The following MZB1 variants were observed in gnomAD, a reference collection of about 807,000 sequenced individuals.
MZB1 encodes marginal zone B and B1 cell specific protein, also known as marginal zone B- and B1-cell-specific protein.
MZB1 carries 10 observed loss-of-function variants against 17.2 expected under a neutral mutation model. The observed-to-expected ratio is 0.58, with a 90% confidence interval of 0.36 to 0.98. MZB1 has a LOEUF of 0.98. Among genes scored for constraint, MZB1 ranks in the 50% least tolerant of loss-of-function variants. MZB1 has a pLI of 0.01. For synonymous variants in MZB1, 99 were observed against 98.7 expected (o/e 1.00, Z -0.02); for missense variants, 246 against 237.5 (o/e 1.04, Z -0.23).
In MZB1 at chr5:139,388,468, A is replaced by C; in HGVS notation, c.295T>G (p.Trp99Gly). 6.2e-7 allele frequency: 1 copy of C among 1,604,074 alleles called. No homozygotes were observed. The highest frequency in any genetic ancestry group is 8.5e-7 in the Non-Finnish European group (1 of 1,175,608). ...DVLDRSCSRN[W>G]QDYGVREVDQ... ...GCAGGATTGGCAACTCACTCCTGCC[A>C]GTTCCGGGAGCAGCTCCGGTCCAGG... The change falls in exon 2 of 4, where the codon TGG becomes GGG. Residue 99 changes from tryptophan (W) to glycine (G), a missense_variant. Trp to Gly is a radical substitution (Grantham distance 184). Transcript: ENST00000302125.
At chr5:139,388,607 A>G (rs1758554152) in intron 1 of MZB1, 22 bp from the exon 2 acceptor site, 2 of 1,601,914 alleles carry the variant, frequency 1.2e-6, no homozygotes, top group Non-Finnish European at 8.5e-7. Context: ...AGGGACTGGG[A>G]GGCAGGGCCT....
rs761849771 is a variant in MZB1 at position 139,387,833 on chromosome 5, C to A, written c.502G>T (p.Ala168Ser). The A allele has an allele frequency of 1.2e-6, 2 of 1,600,970 alleles. No individual in the cohort carries two copies. The highest frequency in any genetic ancestry group is 1.8e-5 in the Admixed American group (1 of 56,220). The change falls in exon 4 of 4, where the codon GCA becomes TCA. Residue 168 changes from alanine (A) to serine (S), a missense_variant. By Grantham distance (99) the Ala-to-Ser change is moderately conservative. Transcript: ENST00000302125. ...AHQQGRGALE[A>S]LLCGGPQGAC... The stretch of plus-strand genomic sequence containing the variant: ...CCCTGGGGTCCCCCACATAGCAATG[C>A]CTCCAGAGCCCCTCGGCCTTGTTGG...
chr5:139,388,761 G>T, intron 1 of MZB1, 176 bp from the exon 2 acceptor site: 5 of 1,107,602 alleles, frequency 4.5e-6, no homozygotes, highest in Non-Finnish European at 6.2e-6. Context: ...AGCTCTCTGG[G>T]ATGGGGATGG....
intron 1 of MZB1, chr5:139,388,902 C>T (rs936321560): frequency 5.4e-5 from 12 of 220,330 alleles, no homozygotes; most frequent in Admixed American, 1.6e-4. Context: ...AGTCTCACGC[C>T]GTTCGTCGCC....
chr5:139,388,056 G>T lies in MZB1; in HGVS notation c.378C>A (p.Ile126=). ...AGGGGCCCCCTGTGACCATCACGCT[G>T]ATGCTTGGCTCTGGCCCCTCGCTAA... ...PGLSEGPEPS[I]SVMVTGGPWP... is the part of the protein sequence containing the mutation. The change falls in exon 3 of 4, where the codon ATC becomes ATA. Residue 126 remains isoleucine (I), a synonymous_variant. Transcript: ENST00000302125. The T allele has an allele frequency of 6.4e-7, 1 of 1,554,890 alleles. No individual in the cohort carries two copies. Among genetic ancestry groups the T allele is most frequent in the Non-Finnish European group, 8.7e-7 (1 of 1,148,864 alleles).
At chr5:139,388,343 C>T in intron 2 of MZB1, 118 bp downstream of exon 2, 2 of 1,244,780 alleles carry the variant, frequency 1.6e-6, no homozygotes, top group Admixed American at 2.4e-5. Flanking sequence ...CAGCCAGCCC[C>T]TCCCTTGGAC....
At chr5:139,388,784 A>G in intron 1 of MZB1, 199 bp from the exon 2 acceptor site, 1 of 857,840 alleles carries the variant, frequency 1.2e-6, no homozygotes, top group Non-Finnish European at 1.7e-6. Context: ...GATGGGAAAG[A>G]AATGCTGAAG....
chr5:139,388,386 G>T, intron 2 of MZB1, 75 bp downstream of exon 2: 1 of 1,450,062 alleles, frequency 6.9e-7, no homozygotes, highest in Non-Finnish European at 9.4e-7. Flanking sequence ...TGTTGTGTGA[G>T]CGGCTGAGTG....
chr5:139,387,807 C>T lies in MZB1; in HGVS notation c.528G>A (p.Gly176=). 1.3e-6 allele frequency: 2 copies of T among 1,578,084 alleles called. No individual in the cohort carries two copies. Among genetic ancestry groups the T allele is most frequent in the Non-Finnish European group, 1.7e-6 (2 of 1,166,588 alleles). ...LEALLCGGPQ[G]ACSEKVSATR... is the part of the protein sequence containing the mutation. ...TGGCTGACACCTTCTCTGAGCAGGCCCCCTGGGGTCCCCCACATAGCAATG... is the reference window on the plus strand; with the variant it reads ...TGGCTGACACCTTCTCTGAGCAGGCTCCCTGGGGTCCCCCACATAGCAATG... The change falls in exon 4 of 4, where the codon GGG becomes GGA. Residue 176 remains glycine (G), a synonymous_variant. Coordinates refer to ENST00000302125, the MANE Select transcript of MZB1 (RefSeq NM_016459.4).
In MZB1 at chr5:139,388,564, C is replaced by A. The variant is rs1460287868; in HGVS notation, c.199G>T (p.Ala67Ser). The stretch of plus-strand genomic sequence containing the variant: ...TTTGAGGTATGAAGTTTGGTCTCTG[C>A]CTTTGCCAGATTTTGCCACATCTGG... Reference protein sequence around the residue: ...AYQMWQNLAKAETKLHTSNSG... With the variant: ...AYQMWQNLAKSETKLHTSNSG... The change falls in exon 2 of 4, where the codon GCA becomes TCA. Residue 67 changes from alanine (A) to serine (S), a missense_variant. Physicochemically the swap from Ala to Ser is moderately conservative, Grantham distance 99. Coordinates refer to ENST00000302125, the MANE Select transcript of MZB1 (RefSeq NM_016459.4). The A allele has an allele frequency of 1.2e-6, 2 of 1,602,124 alleles. No individual in the cohort carries two copies. The highest frequency in any genetic ancestry group is 1.7e-6 in the Non-Finnish European group (2 of 1,174,300).
At chr5:139,388,189 A>G in intron 2 of MZB1, 58 bp from the exon 3 acceptor site, 1 of 1,437,174 alleles carries the variant, frequency 7.0e-7, no homozygotes, top group Non-Finnish European at 9.5e-7. Context: ...CCAGGGAGAG[A>G]CCCATCTCCA....
rs1222415371 is a variant in MZB1 at position 139,387,499 on chromosome 5, A to G, written c.*266T>C. 1 of 330,646 alleles carries G rather than the reference A, an allele frequency of 3.0e-6. No individual in the cohort carries two copies. Among genetic ancestry groups the G allele is most frequent in the East Asian group, 4.7e-5 (1 of 21,340 alleles). 20.5% of individuals were successfully genotyped at this position (330,646 alleles called of 1,614,324 possible). On this transcript the variant is annotated 3_prime_UTR_variant, in exon 4 of 4. Transcript: ENST00000302125. ...TGAGAGTTTTTTTTTTTTTTTCACA[A>G]GGGACATCAGCAGAAACACCAATGT...
chr5:139,388,155 A>G, intron 2 of MZB1, 24 bp from the exon 3 acceptor site: 4 of 1,545,548 alleles, frequency 2.6e-6, no homozygotes, highest in Non-Finnish European at 2.6e-6. Context: ...AGAGGAGAGG[A>G]GTACAGTTTT....
intron 1 of MZB1, chr5:139,389,275 C>G: frequency 5.3e-6 from 2 of 380,618 alleles, no homozygotes; most frequent in Non-Finnish European, 1.0e-5. Context: ...GACACTGGCA[C>G]GCAGGCATGC....
chr5:139,387,909 T>G lies in MZB1; in HGVS notation c.426A>C (p.Thr142=), dbSNP rs1314936311. ...GGPWPTRLSR[T]CLHYLGEFGE... Reference sequence around the variant, plus strand: ...CAAACTCCCCCAAGTAGTGCAAACATGTCCTGGAGAGCCTAGGGGAGCCCA... The same window carrying G: ...CAAACTCCCCCAAGTAGTGCAAACAGGTCCTGGAGAGCCTAGGGGAGCCCA... Residue 142 remains threonine, a synonymous_variant, in exon 4 of 4, where the codon ACA becomes ACC. Coordinates refer to ENST00000302125, the MANE Select transcript of MZB1 (RefSeq NM_016459.4). The G allele has an allele frequency of 1.9e-6, 3 of 1,581,556 alleles. No homozygotes were observed. The African/African-American group carries it at 4.1e-5, about 22-fold the overall frequency.
At position 139,389,740 on chromosome 5, in the gene MZB1, C is replaced by T. The variant is rs1416484931; in HGVS notation, c.117G>A (p.Met39Ile). 4.5e-6 allele frequency: 7 copies of T among 1,569,930 alleles called. No individual in the cohort carries two copies. Among genetic ancestry groups the T allele is most frequent in the Non-Finnish European group, 6.0e-6 (7 of 1,157,790 alleles). The change falls in exon 1 of 4, where the codon ATG becomes ATA. Residue 39 changes from methionine (M) to isoleucine (I), a missense_variant. Transcript: ENST00000302125. ...GGTGAGCGGGCATGTGGGCTGAGTA[C>T]ATCTCCTCATCATCCAGTTGTGGGG... The part of the protein sequence containing the change: ...ATAPQLDDEE[M>I]YSAHMPAHLR...
rs773736525 is a variant in MZB1 at position 139,388,534 on chromosome 5, C to G, written c.229G>C (p.Gly77Arg). 3.1e-6 allele frequency: 5 copies of G among 1,601,016 alleles called. No individual in the cohort carries two copies. The highest frequency in any genetic ancestry group is 2.3e-5 in the South Asian group (2 of 88,514). The stretch of plus-strand genomic sequence containing the variant: ...AACTCGCTCAGCTCCCGCCGCCCCC[C>G]AGAGTTTGAGGTATGAAGTTTGGTC... ...AETKLHTSNS[G>R]GRRELSELVY... is the part of the protein sequence containing the mutation. The change falls in exon 2 of 4, where the codon GGG becomes CGG. Residue 77 changes from glycine to arginine, a missense_variant. By Grantham distance (125) the Gly-to-Arg change is moderately radical. Coordinates refer to ENST00000302125, the MANE Select transcript of MZB1 (RefSeq NM_016459.4).
Position 139,388,088 on chromosome 5 carries a change from G to A in MZB1, c.346C>T (p.Pro116Ser), listed in dbSNP as rs1335263616. 1 of 1,552,564 alleles carries A rather than the reference G, an allele frequency of 6.4e-7. No homozygotes were observed. The highest frequency in any genetic ancestry group is 2.4e-5 in the East Asian group (1 of 41,006). Residue 116 changes from proline (P) to serine (S), a missense_variant, in exon 3 of 4, where the codon CCA becomes TCA. Physicochemically the swap from Pro to Ser is moderately conservative, Grantham distance 74. Transcript: ENST00000302125. Reference protein sequence around the residue: ...EVDQVKRLTGPGLSEGPEPSI... With the variant: ...EVDQVKRLTGSGLSEGPEPSI... ...GGCTCTGGCCCCTCGCTAAGTCCTG[G>A]GCCTGTGAGACGTTTCACTTGGTCC...
At chr5:139,388,641 G>A (rs1289522468) in intron 1 of MZB1, 56 bp from the exon 2 acceptor site, 3 of 1,584,152 alleles carry the variant, frequency 1.9e-6, no homozygotes, top group South Asian at 1.2e-5. Context: ...CAGTTAGGGG[G>A]AGGTGGGGAG....
Sources: allele counts gnomAD v4.1 joint callset, GRCh38; gene constraint gnomAD v4.1.1; transcripts MANE v1.5; gene names NCBI Gene and HGNC (gene_info 2026-07-23, HGNC 2026-07-21).